XNDC1N: variants seen among roughly 807,000 people sequenced by gnomAD.
XNDC1N encodes XRCC1 N-terminal domain containing 1, N-terminal like.
At chr11:71,908,628 C>T in the XNDC1N span, among the ~76,000 whole-genome samples, 1 of 152,004 alleles carries the variant, frequency 6.6e-6, no homozygotes, top group Non-Finnish European at 1.5e-5. Flanking sequence ...TCACCTGTGT[C>T]GACCTTCTCA....
the XNDC1N span, among the ~76,000 whole-genome samples, chr11:71,890,157 C>T: frequency 6.6e-6 from 1 of 152,134 alleles, no homozygotes; most frequent in Non-Finnish European, 1.5e-5. Context: ...AAACCACCTG[C>T]TAAATTTGAG....
At chr11:71,878,537 A>C in the XNDC1N span, 1 of 1,600,898 alleles carries the variant, frequency 6.2e-7, no homozygotes, top group Non-Finnish European at 8.5e-7. Context: ...TTTATTCCAA[A>C]GTTCTAAAAA....
chr11:71,884,437 C>A, the XNDC1N span: 2 of 1,602,294 alleles, frequency 1.2e-6, no homozygotes, highest in Non-Finnish European at 8.5e-7. Context: ...GATGAATGTC[C>A]TTCAGAATAT....
chr11:71,866,507 C>T, the XNDC1N span, among the ~76,000 whole-genome samples: 1 of 152,142 alleles, frequency 6.6e-6, no homozygotes, highest in Admixed American at 6.5e-5. Flanking sequence ...GCAGGCTGGA[C>T]ACAGTGGCTC....
At chr11:71,920,160 G>A in the XNDC1N span, among the ~76,000 whole-genome samples, 1 of 149,108 alleles carries the variant, frequency 6.7e-6, no homozygotes, top group South Asian at 2.1e-4. Flanking sequence ...GGGGTTTCAC[G>A]TGTTAGCCAG....
the XNDC1N span, chr11:71,926,155 A>G: frequency 6.6e-6 from 1 of 152,060 alleles, no homozygotes; most frequent in Non-Finnish European, 1.5e-5. Flanking sequence ...CTGGAGTCCA[A>G]GCTACTCAGG....
At chr11:71,888,522 T>G in the XNDC1N span, among the ~76,000 whole-genome samples, 1 of 152,174 alleles carries the variant, frequency 6.6e-6, no homozygotes, top group African/African-American at 2.4e-5. Flanking sequence ...ACAAAGCCTT[T>G]TCCATTATAT....
the XNDC1N span, among the ~76,000 whole-genome samples, chr11:71,871,007 A>G: frequency 2.1e-4 from 32 of 152,208 alleles, no homozygotes; most frequent in Admixed American, 2.0e-3. Flanking sequence ...ATTACATATG[A>G]CCTAGCAATC....
chr11:71,925,861 CAG>C, the XNDC1N span: 1 of 151,990 alleles, frequency 6.6e-6, no homozygotes, highest in African/African-American at 2.4e-5. Flanking sequence ...GCCTGGGCAA[CAG>C]AGCAAGACTC....
At chr11:71,905,918 A>C in the XNDC1N span, among the ~76,000 whole-genome samples, 1 of 152,054 alleles carries the variant, frequency 6.6e-6, no homozygotes, top group Admixed American at 6.6e-5. Context: ...TCAGATTGCA[A>C]ATAATACCGA....
At chr11:71,897,294 C>T in the XNDC1N span, among the ~76,000 whole-genome samples, 1 of 152,144 alleles carries the variant, frequency 6.6e-6, no homozygotes, top group Non-Finnish European at 1.5e-5. Flanking sequence ...GAAAACATAA[C>T]CCATGGATTA....
chr11:71,895,335 G>A, the XNDC1N span, among the ~76,000 whole-genome samples: 13 of 151,700 alleles, frequency 8.6e-5, no homozygotes, highest in African/African-American at 3.2e-4. Flanking sequence ...TTGAGTCAGA[G>A]TTTCACTCTT....
the XNDC1N span, among the ~76,000 whole-genome samples, chr11:71,911,365 G>A: frequency 6.6e-6 from 1 of 152,218 alleles, no homozygotes; most frequent in Non-Finnish European, 1.5e-5. Flanking sequence ...GCCTGATTGT[G>A]TAGAAGTGTT....
chr11:71,894,287 T>A, the XNDC1N span: 1 of 401,776 alleles, frequency 2.5e-6, no homozygotes, highest in Non-Finnish European at 4.7e-6. Context: ...AATGGTGTGA[T>A]GGCGTCAGTG....
At chr11:71,910,525 TGTTG>T in the XNDC1N span, among the ~76,000 whole-genome samples, 3 of 152,118 alleles carry the variant, frequency 2.0e-5, no homozygotes, top group South Asian at 6.2e-4. Flanking sequence ...CTAGGCTGCG[TGTTG>T]CTCCAGTAGG....
At chr11:71,914,375 G>A in the XNDC1N span, 3 of 456,020 alleles carry the variant, frequency 6.6e-6, no homozygotes, top group African/African-American at 6.0e-5. Flanking sequence ...GAAATTAACT[G>A]CAGATGTGAC....
chr11:71,920,465 G>A, the XNDC1N span, among the ~76,000 whole-genome samples: 46 of 151,758 alleles, frequency 3.0e-4, no homozygotes, highest in Non-Finnish European at 2.5e-4. Flanking sequence ...GCACCACCAC[G>A]CCTGGCTAAT....
chr11:71,903,780 A>T, the XNDC1N span: 36 of 357,812 alleles, frequency 1.0e-4, no homozygotes, highest in Non-Finnish European at 1.6e-4. Flanking sequence ...TTCACCAGGA[A>T]CATCAACATG....
chr11:71,902,895 A>G, the XNDC1N span, among the ~76,000 whole-genome samples: 4,452 of 151,994 alleles, frequency 0.029, no homozygotes, highest in African/African-American at 0.1. Flanking sequence ...TCTAGCAATT[A>G]CGAATTTGTT....
Sources: gnomAD v4.1 joint callset for allele counts (sites outside exome capture counted in the v4.1 genomes callset) on GRCh38, gnomAD v4.1.1 for gene constraint, MANE v1.5 for transcripts, NCBI Gene and HGNC (gene_info 2026-07-23, HGNC 2026-07-21) for gene names.